The following MAP3K20 variants were observed in gnomAD, a reference collection of about 807,000 sequenced individuals.
MAP3K20 encodes mitogen-activated protein kinase kinase kinase 20, also known as HCCS-4.
A neutral mutation model predicts 85.7 loss-of-function variants in MAP3K20; 40 were observed. That is an observed-to-expected ratio of 0.47 (90% CI 0.36 to 0.61). MAP3K20 has a LOEUF of 0.61. Ranked by LOEUF, MAP3K20 falls within the 20% of genes least tolerant of loss-of-function variation. The probability of loss-of-function intolerance (pLI) is 0.00; values close to 1 mark genes in which losing one functional copy is unlikely to be tolerated. For synonymous variants in MAP3K20, 325 were observed against 327.7 expected, an observed-to-expected ratio of 0.99 and a Z score of 0.09; for missense variants, 817 against 961.7, an observed-to-expected ratio of 0.85 and a Z score of 1.99.
intron 2 of MAP3K20, among the ~76,000 whole-genome samples, chr2:173,095,991 G>T (rs1279848938): frequency 3.9e-5 from 6 of 152,006 alleles, no homozygotes; most frequent in Non-Finnish European, 7.4e-5. Flanking sequence ...AAGGTGAAAA[G>T]GTTTTGTAGT....
intron 2 of MAP3K20, among the ~76,000 whole-genome samples, chr2:173,149,068 A>G (rs1396903810): frequency 2.0e-5 from 3 of 152,320 alleles, no homozygotes; most frequent in Non-Finnish European, 1.5e-5. Flanking sequence ...AATTGATCAC[A>G]ATGTAGGATA....
At chr2:173,222,126 C>G (rs1684268674) in intron 11 of MAP3K20, 7 of 913,730 alleles carry the variant, frequency 7.7e-6, no homozygotes, top group Non-Finnish European at 9.2e-6. Flanking sequence ...TGCTTGAGAC[C>G]TAGCAATCAG....
chr2:173,116,168 T>A (rs1688117799), intron 2 of MAP3K20, among the ~76,000 whole-genome samples: 1 of 152,066 alleles, frequency 6.6e-6, no homozygotes, highest in Non-Finnish European at 1.5e-5. Flanking sequence ...ATATTTTGAA[T>A]TGACAAGTAA....
intron 16 of MAP3K20, among the ~76,000 whole-genome samples, chr2:173,243,873 G>A (rs181009733): frequency 0.016 from 2,510 of 152,222 alleles, 64 homozygotes; most frequent in African/African-American, 0.056. Context: ...TGATCCGCCC[G>A]CCTCGGCCTC....
At chr2:173,082,241 C>T (rs1358598097) in intron 1 of MAP3K20, among the ~76,000 whole-genome samples, 2 of 152,156 alleles carry the variant, frequency 1.3e-5, no homozygotes, top group Admixed American at 6.5e-5. Flanking sequence ...TGCCTGACCT[C>T]AAGCGATACT....
At chr2:173,160,769 A>T (rs979491831) in intron 2 of MAP3K20, among the ~76,000 whole-genome samples, 3 of 152,186 alleles carry the variant, frequency 2.0e-5, no homozygotes, top group Non-Finnish European at 4.4e-5. Context: ...AGTGATAAAG[A>T]TAAGAGGTAT....
intron 2 of MAP3K20, among the ~76,000 whole-genome samples, chr2:173,119,157 G>C (rs953250126): frequency 3.0e-4 from 46 of 152,248 alleles, no homozygotes; most frequent in African/African-American, 1.1e-3. Flanking sequence ...AACAGACTTG[G>C]AGGAGGGCCC....
At chr2:173,261,289 A>G in intron 18 of MAP3K20, 152 bp downstream of exon 18, 1 of 743,928 alleles carries the variant, frequency 1.3e-6, no homozygotes, top group Non-Finnish European at 2.1e-6. Flanking sequence ...TAGGAAGATC[A>G]ATATAATTTC....
Position 173,144,326 on chromosome 2 carries a change from G to A in MAP3K20, c.160-25479G>A, listed in dbSNP as rs188968771. 4.1e-4 allele frequency among the ~76,000 whole-genome samples: 62 copies of A among 151,914 alleles called. No homozygotes were observed. In the East Asian group the frequency reaches 9.9e-3, roughly 24 times the overall value. The stretch of plus-strand genomic sequence containing the variant: ...AAAATACAAAAAATTAGCCGGGCGT[G>A]GTGGTGGGCACCTGTAGTCCCAGCT... On this transcript the variant is annotated intron_variant, in intron 2 of 19. Coordinates refer to ENST00000375213, the MANE Select transcript of MAP3K20 (RefSeq NM_016653.3).
chr2:173,237,893 C>T (rs1217057620), intron 14 of MAP3K20, among the ~76,000 whole-genome samples: 2 of 152,184 alleles, frequency 1.3e-5, no homozygotes, highest in Non-Finnish European at 2.9e-5. Context: ...TGTCTTCTTT[C>T]TTGGCCTCAT....
chr2:173,199,361 T>C (rs980697643), intron 8 of MAP3K20, among the ~76,000 whole-genome samples: 2 of 152,244 alleles, frequency 1.3e-5, no homozygotes, highest in Non-Finnish European at 2.9e-5. Flanking sequence ...AAAGGAGTTA[T>C]ATGCAAGAAT....
At chr2:173,216,972 G>A in intron 10 of MAP3K20, 143 bp from the exon 11 acceptor site, 6 of 783,018 alleles carry the variant, frequency 7.7e-6, no homozygotes, top group Non-Finnish European at 1.1e-5. Flanking sequence ...GGACATGAAA[G>A]ATTCCTTCTC....
At chr2:173,242,699 C>CTTTTTTT (rs68173816) in intron 16 of MAP3K20, among the ~76,000 whole-genome samples, 5 of 80,966 alleles carry the variant, frequency 6.2e-5, no homozygotes, top group Admixed American at 1.7e-4. Context: ...AGTAATCTTT[C>CTTTTTTT]TTTTTTTTTT....
At chr2:173,226,308 C>G in intron 11 of MAP3K20, 1 of 985,060 alleles carries the variant, frequency 1.0e-6, no homozygotes, top group Non-Finnish European at 1.2e-6. Flanking sequence ...AGTTTTAAAA[C>G]TTATTCTGAG....
At chr2:173,258,644 T>TAA in intron 16 of MAP3K20, 55 bp from the exon 17 acceptor site, 12 of 903,380 alleles carry the variant, frequency 1.3e-5, no homozygotes, top group South Asian at 3.3e-5. Context: ...ATATTGAGAC[T>TAA]AAAAAAAAAA....
At position 173,266,638 on chromosome 2, in the gene MAP3K20, G is replaced by C; in HGVS notation, c.2291G>C (p.Ser764Thr). 1.9e-6 allele frequency: 3 copies of C among 1,613,840 alleles called. No homozygotes were observed. The highest frequency in any genetic ancestry group is 2.5e-6 in the Non-Finnish European group (3 of 1,179,926). The change falls in exon 20 of 20, where the codon AGC (serine) becomes ACC (threonine). Residue 764 changes from serine (S) to threonine (T), a missense_variant. Ser to Thr is a moderately conservative substitution (Grantham distance 58, BLOSUM62 1). This residue lies in a region of MAP3K20 where 454 missense variants were observed against 476.9 expected (regional missense o/e 0.95). Coordinates refer to ENST00000375213, the MANE Select transcript of MAP3K20 (RefSeq NM_016653.3). ...GCCAGTGAAGAGGACAGCAAAGTCA[G>C]CGAAGGGGGCTGGACAAAAGTGGAA... ...SRASEEDSKV[S>T]EGGWTKVEYR...
chr2:173,194,623 G>T (rs933363243), intron 7 of MAP3K20, among the ~76,000 whole-genome samples: 1 of 151,912 alleles, frequency 6.6e-6, no homozygotes. Context: ...TCAAAAATAG[G>T]TGAGTAGCCA....
intron 10 of MAP3K20, among the ~76,000 whole-genome samples, chr2:173,215,215 C>T (rs1030913330): frequency 3.9e-5 from 6 of 152,150 alleles, no homozygotes; most frequent in East Asian, 1.9e-4. Context: ...GGGACTGGGT[C>T]GGCAGAAGCG....
At chr2:173,120,973 C>T (rs984753429) in intron 2 of MAP3K20, among the ~76,000 whole-genome samples, 1 of 151,808 alleles carries the variant, frequency 6.6e-6, no homozygotes, top group Non-Finnish European at 1.5e-5. Flanking sequence ...TCCCAAAGTG[C>T]TGGGATTACA....
Sources: allele counts gnomAD v4.1 joint callset (sites outside exome capture counted in the v4.1 genomes callset), GRCh38; gene constraint gnomAD v4.1.1; regional missense constraint gnomAD v4.1.1; transcripts MANE v1.5; gene names NCBI Gene and HGNC (gene_info 2026-07-23, HGNC 2026-07-21).